Variants in ADAMTS2 observed in about 807,000 individuals in gnomAD.
The protein encoded by ADAMTS2 is ADAM metallopeptidase with thrombospondin type 1 motif 2.
A neutral mutation model predicts 123.0 loss-of-function variants in ADAMTS2; 50 were observed. That is an observed-to-expected ratio of 0.41 (90% confidence interval 0.32 to 0.51). ADAMTS2 has a LOEUF of 0.51. Ranked by LOEUF, ADAMTS2 falls within the 20% of genes least tolerant of loss-of-function variation. The pLI is 0.35. For missense variants in ADAMTS2, 1,494 were observed against 1,705.2 expected, an observed-to-expected ratio of 0.88 and a Z score of 2.18; for synonymous variants, 678 against 695.4, an observed-to-expected ratio of 0.98 and a Z score of 0.39.
At position 179,209,560 on chromosome 5, in the gene ADAMTS2, AAG is replaced by A. The variant is rs201713458; in HGVS notation, c.689-1847_689-1846del. ...CATGCACACACATGTACACACACAC[AAG>A]CACACACATGCACACACATGTACAC... is the stretch of plus-strand genomic sequence containing the variant. On this transcript the variant is annotated intron_variant, in intron 3 of 21. Transcript: ENST00000251582. 4.9e-4 allele frequency among the ~76,000 whole-genome samples: 56 copies of A among 113,924 alleles called. 1 individual carries two copies. Among genetic ancestry groups the A allele is most frequent in the African/African-American group, 1.5e-3 (42 of 28,346 alleles). 74.7% of individuals were successfully genotyped at this position (113,924 alleles called of 152,430 possible). A position where few individuals can be genotyped will look rare whatever the true frequency, so the allele number is the denominator to read the frequency against.
In ADAMTS2 at chr5:179,170,720, C is replaced by T. The variant is rs1245389451; in HGVS notation, c.975+10352G>A. On this transcript the variant is annotated intron_variant, in intron 5 of 21. Transcript: ENST00000251582. The surrounding 1 kb of genome is among the most constrained non-coding windows in gnomAD (Gnocchi z 4.3). ...CTATTGCCTGCCACCCTGCTGTATT[C>T]CTTGCCGGTGCTCACCACTCTGTCG... Among the ~76,000 whole-genome samples, 2 of 152,188 alleles carry T rather than the reference C, an allele frequency of 1.3e-5. No homozygotes were observed. The highest frequency in any genetic ancestry group is 6.5e-5 in the Admixed American group (1 of 15,282).
intron 2 of ADAMTS2, among the ~76,000 whole-genome samples, chr5:179,322,686 G>A (rs537452156): frequency 1.4e-4 from 22 of 152,336 alleles, no homozygotes; most frequent in Admixed American, 6.5e-4. Context: ...GGCACTAGAC[G>A]AGGGCCTCGG....
intron 6 of ADAMTS2, among the ~76,000 whole-genome samples, chr5:179,156,315 T>C (rs1763469009): frequency 1.3e-5 from 2 of 152,128 alleles, no homozygotes; most frequent in African/African-American, 2.4e-5. Context: ...TTTTGTCTTT[T>C]GCTCCCATTG....
chr5:179,276,161 C>A (rs1308522845), intron 2 of ADAMTS2, among the ~76,000 whole-genome samples: 1 of 152,182 alleles, frequency 6.6e-6, no homozygotes, highest in Non-Finnish European at 1.5e-5. Flanking sequence ...AATGAGCGAA[C>A]CGATGACCCC....
At chr5:179,193,187 G>A (rs1764346121) in intron 4 of ADAMTS2, among the ~76,000 whole-genome samples, 1 of 152,176 alleles carries the variant, frequency 6.6e-6, no homozygotes, top group Non-Finnish European at 1.5e-5. Context: ...GCTGTGCCAA[G>A]GCAAGCAGGT....
intron 2 of ADAMTS2, among the ~76,000 whole-genome samples, chr5:179,334,071 T>G (rs1385271243): frequency 6.6e-6 from 1 of 152,022 alleles, no homozygotes. Context: ...GAGGGATTGC[T>G]CCAGAGAAAC....
chr5:179,307,362 C>T lies in ADAMTS2; in HGVS notation c.535-34298G>A, dbSNP rs1247511617. Among the ~76,000 whole-genome samples, 1 of 152,178 alleles carries T rather than the reference C, an allele frequency of 6.6e-6. No homozygotes were observed. Among genetic ancestry groups the T allele is most frequent in the Non-Finnish European group, 1.5e-5 (1 of 68,010 alleles). On this transcript the variant is annotated intron_variant, in intron 2 of 21. Coordinates refer to ENST00000251582, the MANE Select transcript of ADAMTS2 (RefSeq NM_014244.5). This position sits in a 1 kb window ranked among gnomAD's most constrained non-coding sequence, Gnocchi z 5.6. The stretch of plus-strand genomic sequence containing the variant: ...CGGCCAACCCTGGGTGGCCACTGCT[C>T]AGCACTCCAGGACAGCTCCATGACA...
intron 3 of ADAMTS2, among the ~76,000 whole-genome samples, chr5:179,271,646 C>T (rs1191527886): frequency 2.6e-5 from 4 of 152,234 alleles, no homozygotes; most frequent in East Asian, 3.9e-4. Flanking sequence ...CCCAGTGGCC[C>T]GGCTGTCTGC....
At chr5:179,196,652 G>A (rs911304485) in intron 4 of ADAMTS2, among the ~76,000 whole-genome samples, 29 of 152,316 alleles carry the variant, frequency 1.9e-4, no homozygotes, top group Middle Eastern at 3.4e-3. Context: ...GTACACCCAC[G>A]TGCACTGATG....
rs1762917994 is a variant in ADAMTS2, at chr5:179,129,238, C to T, written c.2457+694G>A. 1.3e-5 allele frequency among the ~76,000 whole-genome samples: 2 copies of T among 152,174 alleles called. No individual in the cohort carries two copies. Among genetic ancestry groups the T allele is most frequent in the African/African-American group, 2.4e-5 (1 of 41,446 alleles). ...GGCAGGCAGGGTGCCAGGGGGTACA[C>T]GGGGCATACCTGGCTCACTGCTGCA... On this transcript the variant is annotated intron_variant, in intron 16 of 21. Transcript: ENST00000251582. This position sits in a 1 kb window ranked among gnomAD's most constrained non-coding sequence, Gnocchi z 4.1.
At chr5:179,217,760 AG>A (rs758372840) in intron 3 of ADAMTS2, among the ~76,000 whole-genome samples, 16 of 92,456 alleles carry the variant, frequency 1.7e-4, no homozygotes, top group African/African-American at 7.8e-4. Flanking sequence ...GGATGGTGTG[AG>A]GGGGGATGGG....
At position 179,329,131 on chromosome 5, in the gene ADAMTS2, T is replaced by C. The variant is rs538516558; in HGVS notation, c.534+14636A>G. On this transcript the variant is annotated intron_variant, in intron 2 of 21. Coordinates refer to ENST00000251582, the MANE Select transcript of ADAMTS2 (RefSeq NM_014244.5). The stretch of plus-strand genomic sequence containing the variant: ...TCACGAGGTCAGGAGATGGAGACCA[T>C]CCTGGCTAACACGGTGAAACCCCGT... Among the ~76,000 whole-genome samples the C allele has an allele frequency of 2.0e-3, 303 of 152,022 alleles. 1 individual carries two copies. Among genetic ancestry groups the C allele is most frequent in the Non-Finnish European group, 2.8e-3 (192 of 67,986 alleles).
intron 3 of ADAMTS2, among the ~76,000 whole-genome samples, chr5:179,258,159 C>A (rs1581225431): frequency 6.6e-6 from 1 of 152,174 alleles, no homozygotes; most frequent in Admixed American, 6.5e-5. Flanking sequence ...CCCTCCAGAG[C>A]CCTCTGCACA....
chr5:179,134,498 C>T (rs995178217), intron 13 of ADAMTS2, among the ~76,000 whole-genome samples: 2 of 152,232 alleles, frequency 1.3e-5, no homozygotes, highest in African/African-American at 4.8e-5. Context: ...AGCTGTCCCC[C>T]TTCCACTGCC....
intron 3 of ADAMTS2, among the ~76,000 whole-genome samples, chr5:179,229,031 C>T (rs148957019): frequency 2.2e-3 from 330 of 152,048 alleles, no homozygotes; most frequent in South Asian, 4.6e-3. Flanking sequence ...CTGTGCACCT[C>T]GGTCAGGCAC....
chr5:179,329,516 AC>A (rs1162054235), intron 2 of ADAMTS2, among the ~76,000 whole-genome samples: 4 of 152,154 alleles, frequency 2.6e-5, no homozygotes, highest in Non-Finnish European at 4.4e-5. Flanking sequence ...AACACCTTAT[AC>A]AGTATAAGAA....
chr5:179,204,186 C>T (rs1198225618), intron 4 of ADAMTS2, among the ~76,000 whole-genome samples: 9 of 151,896 alleles, frequency 5.9e-5, no homozygotes, highest in African/African-American at 1.5e-4. Context: ...TGCCAGGAGT[C>T]GGGGGGAGGG....
intron 2 of ADAMTS2, among the ~76,000 whole-genome samples, chr5:179,324,760 CA>C (rs1262106688): frequency 2.0e-5 from 3 of 152,188 alleles, no homozygotes; most frequent in Admixed American, 6.5e-5. Flanking sequence ...TTATTTTGAT[CA>C]GGGGTCCATG....
Position 179,181,120 on chromosome 5 carries a change from G to A in ADAMTS2, c.927C>T (p.Ala309=), listed in dbSNP as rs143588140. ...TCCGCACCAGGACCACGTTGATGTG[G>A]GCACCCAAGGACTCGTCATGGTAGA... The part of the protein sequence containing the change: ...NEIYHDESLG[A]HINVVLVRII... The change falls in exon 5 of 22, where the codon GCC becomes GCT. Residue 309 remains alanine, a synonymous_variant. Transcript: ENST00000251582. This position sits in a 1 kb window ranked among gnomAD's most constrained non-coding sequence, Gnocchi z 4.1. 1 of 1,613,964 alleles carries A rather than the reference G, an allele frequency of 6.2e-7. No homozygotes were observed. Among genetic ancestry groups the A allele is most frequent in the Admixed American group, 1.7e-5 (1 of 60,010 alleles).
Sources: gnomAD v4.1 joint callset for allele counts (sites outside exome capture counted in the v4.1 genomes callset) on GRCh38, gnomAD v4.1.1 for gene constraint, Gnocchi (gnomAD v3.1) non-coding constraint, MANE v1.5 for transcripts, NCBI Gene and HGNC (gene_info 2026-07-23, HGNC 2026-07-21) for gene names.